The following UCN3 variants were observed in gnomAD, a reference collection of about 807,000 sequenced individuals.
UCN3 encodes the protein urocortin-3.
UCN3 carries 3 observed loss-of-function variants against 3.6 expected under a neutral mutation model. The observed-to-expected ratio is 0.83, with a 90% confidence interval of 0.38 to 2.15. The LOEUF is 2.15. Ranked by LOEUF, UCN3 falls within the 30% of genes most tolerant of loss-of-function variation. UCN3 has a pLI of 0.06. For missense variants in UCN3, 206 were observed against 208.3 expected, an observed-to-expected ratio of 0.99 and a Z score of 0.07; for synonymous variants, 100 against 93.2, an observed-to-expected ratio of 1.07 and a Z score of -0.42.
chr10:5,370,211 A>ATGTGCGTCTGTATGTGCGTCTGTATG (rs1564442548), intron 1 of UCN3, among the ~76,000 whole-genome samples: 1 of 16,876 alleles, frequency 5.9e-5, no homozygotes. Flanking sequence ...ATGCGTGTGT[A>ATGTGCGTCTGTATGTGCGTCTGTATG]TGTGTGTGTA....
intron 1 of UCN3, among the ~76,000 whole-genome samples, chr10:5,371,145 G>A (rs893662092): frequency 6.6e-6 from 1 of 151,244 alleles, no homozygotes; most frequent in African/African-American, 2.5e-5. Context: ...GTGCATATGT[G>A]TGCATGTATA....
chr10:5,369,741 C>G (rs945083488), intron 1 of UCN3, among the ~76,000 whole-genome samples: 5 of 152,140 alleles, frequency 3.3e-5, no homozygotes, highest in Non-Finnish European at 7.4e-5. Flanking sequence ...ACAAACAAAG[C>G]AAAACCTGAT....
intron 1 of UCN3, among the ~76,000 whole-genome samples, chr10:5,369,386 C>G (rs1252381801): frequency 6.6e-6 from 1 of 152,248 alleles, no homozygotes; most frequent in African/African-American, 2.4e-5. Flanking sequence ...TCTGCTCAGA[C>G]AAGGAGCTTT....
chr10:5,370,503 G>C (rs1831370098), intron 1 of UCN3, among the ~76,000 whole-genome samples: 1 of 108,838 alleles, frequency 9.2e-6, no homozygotes, highest in African/African-American at 3.6e-5. Context: ...GTGTGTATAT[G>C]CGTGTGTATA....
rs782756032 is a variant in UCN3 at position 5,373,806 on chromosome 10, C to T, written c.86C>T (p.Ala29Val). Residue 29 changes from alanine to valine, a missense_variant, in exon 2 of 2, where the codon GCC becomes GTC. Coordinates refer to ENST00000380433, the MANE Select transcript of UCN3 (RefSeq NM_053049.4). ...GGCCTCCCCCACAAGTTCTACAAAG[C>T]CAAGCCCATCTTCAGCTGCCTCAAC... ...RTGLPHKFYK[A>V]KPIFSCLNTA... 3 of 1,614,020 alleles carry T rather than the reference C, an allele frequency of 1.9e-6. No individual in the cohort carries two copies. Among genetic ancestry groups the T allele is most frequent in the Non-Finnish European group, 2.5e-6 (3 of 1,179,962 alleles).
Position 5,365,652 on chromosome 10 carries a change from G to A in UCN3, c.-7+422G>A, listed in dbSNP as rs571551897. On this transcript the variant is annotated intron_variant, in intron 1 of 1. Coordinates refer to ENST00000380433, the MANE Select transcript of UCN3 (RefSeq NM_053049.4). This position sits in a 1 kb window ranked among gnomAD's most constrained non-coding sequence, Gnocchi z 4.4. ...TCCACGCCGCCTGCAAAGCAGCGAG[G>A]ACACCTGCACTTACTGTTTACCTGT... 2.0e-5 allele frequency among the ~76,000 whole-genome samples: 3 copies of A among 152,312 alleles called. No homozygotes were observed. In the East Asian group the frequency reaches 5.8e-4, roughly 29 times the overall value.
Position 5,373,748 on chromosome 10 carries a change from C to T in UCN3, c.28C>T (p.Leu10Phe), listed in dbSNP as rs781867300. Residue 10 changes from leucine (L) to phenylalanine (F), a missense_variant, in exon 2 of 2, where the codon CTC (leucine) becomes TTC (phenylalanine). Coordinates refer to ENST00000380433, the MANE Select transcript of UCN3 (RefSeq NM_053049.4). Reference protein sequence around the residue: MLMPVHFLLLLLLLLGGPRT... With the variant: MLMPVHFLLFLLLLLGGPRT... ...GCTGATGCCGGTCCACTTCCTGCTGCTCCTGCTGCTGCTCCTGGGGGGCCC... is the reference window on the plus strand; with the variant it reads ...GCTGATGCCGGTCCACTTCCTGCTGTTCCTGCTGCTGCTCCTGGGGGGCCC... 1 of 1,613,910 alleles carries T rather than the reference C, an allele frequency of 6.2e-7. No homozygotes were observed. The highest frequency in any genetic ancestry group is 1.3e-5 in the African/African-American group (1 of 75,010).
intron 1 of UCN3, among the ~76,000 whole-genome samples, chr10:5,370,349 A>ATATGTGTGTGTG (rs1831357387): frequency 2.9e-5 from 1 of 34,208 alleles, no homozygotes; most frequent in Non-Finnish European, 5.0e-5. Flanking sequence ...ATGCGTGTGT[A>ATATGTGTGTGTG]TATGTGTGTG....
Position 5,374,040 on chromosome 10 carries a change from C to T in UCN3, c.320C>T (p.Pro107Leu). Reference protein sequence around the residue: ...YVSQAQPRGKPRQDTAKSPHR... With the variant: ...YVSQAQPRGKLRQDTAKSPHR... ...TCCCAAGCACAGCCCAGGGGAAAGC[C>T]ACGCCAGGACACGGCCAAGAGTCCC... The change falls in exon 2 of 2, where the codon CCA (proline) becomes CTA (leucine). Residue 107 changes from proline to leucine, a missense_variant. Coordinates refer to ENST00000380433, the MANE Select transcript of UCN3 (RefSeq NM_053049.4). 1 of 1,612,796 alleles carries T rather than the reference C, an allele frequency of 6.2e-7. No homozygotes were observed. Among genetic ancestry groups the T allele is most frequent in the Non-Finnish European group, 8.5e-7 (1 of 1,179,434 alleles).
At position 5,365,892 on chromosome 10, in the gene UCN3, C is replaced by G. The variant is rs1300594335; in HGVS notation, c.-7+662C>G. On this transcript the variant is annotated intron_variant, in intron 1 of 1. Transcript: ENST00000380433. This position sits in a 1 kb window ranked among gnomAD's most constrained non-coding sequence, Gnocchi z 4.4. ...AACATTGCGGGGGTGTGTGCAGATACCTACAATGGCTAACTCCTACCTGTG... is the reference window on the plus strand; with the variant it reads ...AACATTGCGGGGGTGTGTGCAGATAGCTACAATGGCTAACTCCTACCTGTG... 6.6e-6 allele frequency among the ~76,000 whole-genome samples: 1 copy of G among 152,146 alleles called. No individual in the cohort carries two copies. Among genetic ancestry groups the G allele is most frequent in the African/African-American group, 2.4e-5 (1 of 41,416 alleles).
rs1204886146 is a variant in UCN3 at position 5,369,915 on chromosome 10, A to ATG, written c.-6-3792_-6-3791dup. On this transcript the variant is annotated intron_variant, in intron 1 of 1. Transcript: ENST00000380433. ...TGTGTGTGTATATGTGTGTGTGTAT[A>ATG]TGTGTGTGTATGTGTGTGTGTGTAT... 2.2e-3 allele frequency among the ~76,000 whole-genome samples: 171 copies of ATG among 77,300 alleles called. 7 individuals carry two copies. Among genetic ancestry groups the ATG allele is most frequent in the Middle Eastern group, 0.013 (2 of 154 alleles). The allele number at this position is 77,300 out of a possible 152,430, so 50.7% of individuals were successfully genotyped here. A position where few individuals can be genotyped will look rare whatever the true frequency, so the allele number is the denominator to read the frequency against.
intron 1 of UCN3, among the ~76,000 whole-genome samples, chr10:5,370,036 TGTGTATATGC>T (rs1831331781): frequency 7.6e-6 from 1 of 131,616 alleles, no homozygotes. Context: ...TGTATATGCG[TGTGTATATGC>T]GTGTGTATGT....
chr10:5,372,994 C>T (rs998371965), intron 1 of UCN3, among the ~76,000 whole-genome samples: 9 of 152,116 alleles, frequency 5.9e-5, no homozygotes, highest in African/African-American at 2.2e-4. Context: ...CAGGATCCCA[C>T]ACATCTTAGA....
In UCN3 at chr10:5,366,280, G is replaced by C. The variant is rs530358908; in HGVS notation, c.-7+1050G>C. Among the ~76,000 whole-genome samples the C allele has an allele frequency of 6.6e-6, 1 of 152,302 alleles. No homozygotes were observed. Among genetic ancestry groups the C allele is most frequent in the African/African-American group, 2.4e-5 (1 of 41,572 alleles). ...TCTCTTTACAGCATCCTCGACAAGT[G>C]CTACTGTCACCATAGCCCAAAGGAA... is the stretch of plus-strand genomic sequence containing the variant. On this transcript the variant is annotated intron_variant, in intron 1 of 1. Coordinates refer to ENST00000380433, the MANE Select transcript of UCN3 (RefSeq NM_053049.4). The surrounding 1 kb of genome is among the most constrained non-coding windows in gnomAD (Gnocchi z 4.2).
intron 1 of UCN3, among the ~76,000 whole-genome samples, chr10:5,370,525 G>GCGTGTATATGTGTGTATA (rs1564443123): frequency 3.1e-5 from 2 of 65,428 alleles, no homozygotes; most frequent in Non-Finnish European, 5.6e-5. Context: ...GTGTGTGTAT[G>GCGTGTATATGTGTGTATA]TGTGTGTGTA....
rs1554811775 is a variant in UCN3 at position 5,373,863 on chromosome 10, G to A, written c.143G>A (p.Trp48Ter). 1 of 1,614,108 alleles carries A rather than the reference G, an allele frequency of 6.2e-7. No individual in the cohort carries two copies. Among genetic ancestry groups the A allele is most frequent in the Admixed American group, 1.7e-5 (1 of 60,018 alleles). The change falls in exon 2 of 2, where the codon TGG (tryptophan) becomes TAG (stop). Residue 48 changes from tryptophan to a stop codon, truncating the protein, a stop_gained. Coordinates refer to ENST00000380433, the MANE Select transcript of UCN3 (RefSeq NM_053049.4). LOFTEE classifies it low-confidence loss of function (END_TRUNC). ...TALSEAEKGQ[W>*]EDASLLSKRS... is the part of the protein sequence containing the mutation. ...CTGTCTGAGGCTGAGAAGGGCCAGTGGGAGGATGCATCCCTGCTGAGCAAG... is the reference window on the plus strand; with the variant it reads ...CTGTCTGAGGCTGAGAAGGGCCAGTAGGAGGATGCATCCCTGCTGAGCAAG...
intron 1 of UCN3, among the ~76,000 whole-genome samples, chr10:5,371,165 A>C (rs1273787701): frequency 6.7e-6 from 1 of 149,232 alleles, no homozygotes; most frequent in African/African-American, 2.5e-5. Context: ...ATGTGTGTGC[A>C]TGTGTATGTA....
intron 1 of UCN3, among the ~76,000 whole-genome samples, chr10:5,369,080 A>G (rs1370489384): frequency 6.6e-6 from 1 of 152,168 alleles, no homozygotes; most frequent in Non-Finnish European, 1.5e-5. Flanking sequence ...ATGAGTCCAA[A>G]GCACCTGAAA....
chr10:5,371,045 A>ATG (rs370398606), intron 1 of UCN3, among the ~76,000 whole-genome samples: 1 of 146,002 alleles, frequency 6.8e-6, no homozygotes, highest in Non-Finnish European at 1.5e-5. Context: ...GTCTATATGT[A>ATG]TGTGTGTGTA....
Sources: allele counts gnomAD v4.1 joint callset (sites outside exome capture counted in the v4.1 genomes callset), GRCh38; gene constraint gnomAD v4.1.1; non-coding constraint Gnocchi (gnomAD v3.1); transcripts MANE v1.5; gene names NCBI Gene and HGNC (gene_info 2026-07-23, HGNC 2026-07-21).